NRCAM: variants seen among roughly 807,000 people sequenced by gnomAD.
NRCAM encodes neuronal cell adhesion molecule, also known as NgCAM-related cell adhesion molecule.
NRCAM carries 83 observed loss-of-function variants against 156.5 expected under a neutral mutation model. The ratio of observed to expected loss-of-function variants is 0.53; its 90% CI spans 0.44 to 0.64. The LOEUF is 0.64. Among genes scored for constraint, NRCAM ranks in the 30% least tolerant of loss-of-function variants. The pLI, the probability that NRCAM is intolerant of heterozygous loss-of-function variation, is 0.00. For missense variants in NRCAM, 1,417 were observed against 1,597.3 expected, an observed-to-expected ratio of 0.89 and a Z score of 1.92; for synonymous variants, 538 against 563.9, an observed-to-expected ratio of 0.95 and a Z score of 0.65.
chr7:108,410,060 T>C (rs985373588), intron 1 of NRCAM, among the ~76,000 whole-genome samples: 5 of 152,222 alleles, frequency 3.3e-5, no homozygotes, highest in African/African-American at 1.2e-4. Flanking sequence ...TTAAAAACTA[T>C]AGGCATACCC....
intron 28 of NRCAM, among the ~76,000 whole-genome samples, chr7:108,170,989 T>C (rs964444858): frequency 6.6e-6 from 1 of 152,196 alleles, no homozygotes; most frequent in Non-Finnish European, 1.5e-5. Flanking sequence ...CACTGGAAAT[T>C]TGCATTTAGC....
intron 2 of NRCAM, among the ~76,000 whole-genome samples, chr7:108,317,910 G>GA (rs377722562): frequency 0.25 from 23,464 of 92,748 alleles, 2,772 homozygotes; most frequent in East Asian, 0.5. Flanking sequence ...CTCAGTCCCA[G>GA]AAAAAAAAAA....
intron 26 of NRCAM, 192 bp from the exon 27 acceptor site, chr7:108,176,798 C>T: frequency 2.0e-6 from 1 of 498,970 alleles, no homozygotes; most frequent in South Asian, 2.9e-5. Context: ...CATATCGTAT[C>T]ATATCATATC....
At chr7:108,337,588 A>G (rs1461500779) in intron 2 of NRCAM, among the ~76,000 whole-genome samples, 1 of 152,196 alleles carries the variant, frequency 6.6e-6, no homozygotes, top group African/African-American at 2.4e-5. Context: ...TGAGCTGAAC[A>G]CTAGTCACTG....
chr7:108,281,775 G>T (rs1299561764), intron 3 of NRCAM, among the ~76,000 whole-genome samples: 4 of 152,232 alleles, frequency 2.6e-5, no homozygotes, highest in Non-Finnish European at 4.4e-5. Context: ...AGCCGGGGAA[G>T]GGGCAAAGCC....
At chr7:108,299,828 G>A (rs1030400950) in intron 3 of NRCAM, among the ~76,000 whole-genome samples, 6 of 152,142 alleles carry the variant, frequency 3.9e-5, no homozygotes, top group African/African-American at 1.2e-4. Context: ...ATGTGGTGGT[G>A]AAGTACATGA....
At chr7:108,299,114 A>AAAAAAAAAAAAAAAAAAAGAAAGAAAG in intron 3 of NRCAM, among the ~76,000 whole-genome samples, 1 of 25,516 alleles carries the variant, frequency 3.9e-5, no homozygotes, top group Non-Finnish European at 8.0e-5. Flanking sequence ...TCAAAAAAAA[A>AAAAAAAAAAAAAAAAAAAGAAAGAAAG]AAAGAAAGAA....
At chr7:108,294,555 T>C (rs1043898786) in intron 3 of NRCAM, among the ~76,000 whole-genome samples, 1 of 152,194 alleles carries the variant, frequency 6.6e-6, no homozygotes, top group African/African-American at 2.4e-5. Flanking sequence ...TGTGTAATTT[T>C]CTAGATGATA....
rs1199880183 is a variant in NRCAM, at chr7:108,168,296, A to G, written c.3294T>C (p.Val1098=). 6.3e-7 allele frequency: 1 copy of G among 1,591,046 alleles called. No individual in the cohort carries two copies. The highest frequency in any genetic ancestry group is 1.2e-5 in the South Asian group (1 of 85,350). ...TCTTACTGCCTGCTACACCATATTCAACATAAAAGTTCACATGCTCTGGTC... is the reference window on the plus strand; with the variant it reads ...TCTTACTGCCTGCTACACCATATTCGACATAAAAGTTCACATGCTCTGGTC... ...YEGPEHVNFY[V]EYGVAGSKEE... The change falls in exon 29 of 33, where the codon GTT becomes GTC. Residue 1098 remains valine, a synonymous_variant. Transcript: ENST00000379028.
intron 13 of NRCAM, among the ~76,000 whole-genome samples, chr7:108,206,001 T>A (rs978980981): frequency 5.3e-5 from 8 of 152,230 alleles, no homozygotes; most frequent in African/African-American, 1.9e-4. Context: ...CTGCCATTTC[T>A]CTGGATCCTG....
chr7:108,361,239 G>C (rs2099548273), intron 2 of NRCAM, among the ~76,000 whole-genome samples: 1 of 152,308 alleles, frequency 6.6e-6, no homozygotes, highest in South Asian at 2.1e-4. Context: ...AATTTCAAAT[G>C]CTGGTGAAGA....
chr7:108,249,306 G>T (rs1234686875), intron 3 of NRCAM, among the ~76,000 whole-genome samples: 1 of 152,334 alleles, frequency 6.6e-6, no homozygotes, highest in African/African-American at 2.4e-5. Context: ...CAGTGCAGGG[G>T]AAGGTATATT....
chr7:108,153,618 A>G (rs1049994827), intron 32 of NRCAM, among the ~76,000 whole-genome samples: 2 of 152,150 alleles, frequency 1.3e-5, no homozygotes, highest in African/African-American at 4.8e-5. Flanking sequence ...AAGCAACTTG[A>G]TAAGAAAAAG....
chr7:108,352,693 T>C (rs534537635), intron 2 of NRCAM, among the ~76,000 whole-genome samples: 16 of 152,344 alleles, frequency 1.1e-4, no homozygotes, highest in East Asian at 9.6e-4. Flanking sequence ...TAATTTTTCC[T>C]GAAAATCAAC....
intron 30 of NRCAM, among the ~76,000 whole-genome samples, chr7:108,160,805 T>C (rs1157684840): frequency 1.3e-5 from 2 of 152,122 alleles, no homozygotes; most frequent in Admixed American, 1.3e-4. Context: ...CCAAACCAAT[T>C]AAAGTATTCA....
At chr7:108,254,542 AC>A (rs1332730960) in intron 3 of NRCAM, among the ~76,000 whole-genome samples, 3 of 131,430 alleles carry the variant, frequency 2.3e-5, no homozygotes, top group Non-Finnish European at 4.7e-5. Context: ...TTCTGAAAAA[AC>A]AATTTTGCTT....
chr7:108,403,744 A>G (rs2099799572), intron 1 of NRCAM, among the ~76,000 whole-genome samples: 1 of 152,226 alleles, frequency 6.6e-6, no homozygotes, highest in African/African-American at 2.4e-5. Flanking sequence ...TGTGCAGTCA[A>G]CCAAGAAGTT....
At chr7:108,449,788 AC>A (rs1271726042) in intron 1 of NRCAM, among the ~76,000 whole-genome samples, 1 of 152,198 alleles carries the variant, frequency 6.6e-6, no homozygotes, top group Non-Finnish European at 1.5e-5. Context: ...CATGCTGAAT[AC>A]TCATACTGAA....
chr7:108,429,560 A>G (rs1277981306), intron 1 of NRCAM, among the ~76,000 whole-genome samples: 1 of 152,254 alleles, frequency 6.6e-6, no homozygotes, highest in Non-Finnish European at 1.5e-5. Flanking sequence ...TTACTTTGCC[A>G]ATTGCAAATT....
Sources: gnomAD v4.1 joint callset for allele counts (sites outside exome capture counted in the v4.1 genomes callset) on GRCh38, gnomAD v4.1.1 for gene constraint, MANE v1.5 for transcripts, NCBI Gene and HGNC (gene_info 2026-07-23, HGNC 2026-07-21) for gene names.